The following ZMAT3 variants were observed in gnomAD, a reference collection of about 807,000 sequenced individuals.
The protein encoded by ZMAT3 is zinc finger matrin-type 3.
A neutral mutation model predicts 32.3 loss-of-function variants in ZMAT3; 17 were observed. The observed-to-expected ratio is 0.53, with a 90% confidence interval of 0.36 to 0.79. ZMAT3 has a LOEUF of 0.79. Ranked by LOEUF, ZMAT3 falls within the 30% of genes least tolerant of loss-of-function variation. ZMAT3 has a pLI of 0.00. For missense variants in ZMAT3, 329 were observed against 359.7 expected, an observed-to-expected ratio of 0.91 and a Z score of 0.69; for synonymous variants, 120 against 133.1, an observed-to-expected ratio of 0.90 and a Z score of 0.68.
At chr3:179,028,978 G>A (rs942831362) in intron 3 of ZMAT3, among the ~76,000 whole-genome samples, 3 of 152,048 alleles carry the variant, frequency 2.0e-5, no homozygotes, top group Non-Finnish European at 2.9e-5. Flanking sequence ...TGGCCAACAT[G>A]ACAAAACCCT....
chr3:179,058,198 G>C (rs1255802783), intron 2 of ZMAT3, among the ~76,000 whole-genome samples: 1 of 152,152 alleles, frequency 6.6e-6, no homozygotes, highest in Non-Finnish European at 1.5e-5. Flanking sequence ...GACATGACGT[G>C]AACGGCATAC....
chr3:179,042,243 C>T (rs1719978839), intron 2 of ZMAT3, among the ~76,000 whole-genome samples: 1 of 152,180 alleles, frequency 6.6e-6, no homozygotes, highest in South Asian at 2.1e-4. Flanking sequence ...ATCATCCCGA[C>T]ACCAAAGCCT....
At chr3:179,052,541 T>C (rs1391459679) in intron 2 of ZMAT3, among the ~76,000 whole-genome samples, 3 of 152,204 alleles carry the variant, frequency 2.0e-5, no homozygotes, top group East Asian at 1.9e-4. Flanking sequence ...TTTTACACTA[T>C]TGTTAGGAAT....
At chr3:179,066,780 G>A (rs763474388) in intron 2 of ZMAT3, among the ~76,000 whole-genome samples, 2 of 152,174 alleles carry the variant, frequency 1.3e-5, no homozygotes, top group Non-Finnish European at 2.9e-5. Context: ...TTGTTCTTAG[G>A]TAATATTACC....
chr3:179,025,186 C>T lies in ZMAT3; in HGVS notation c.701G>A (p.Arg234His), dbSNP rs201175783. The change falls in exon 6 of 6, where the codon CGT becomes CAT. Residue 234 changes from arginine to histidine, a missense_variant. By Grantham distance (29) the Arg-to-His change is conservative. Coordinates refer to ENST00000311417, the MANE Select transcript of ZMAT3 (RefSeq NM_022470.4). ...FNPRSRQRIP[R>H]DLAMCVTPSG... ...TGGAGTAACACACATGGCCAGATCA[C>T]GTGGAATTCTCTGCCGAGAGCGGGG... 37 of 1,614,040 alleles carry T rather than the reference C, an allele frequency of 2.3e-5. No individual in the cohort carries two copies. The highest frequency in any genetic ancestry group is 3.0e-5 in the Non-Finnish European group (35 of 1,180,042).
chr3:179,050,307 C>A (rs1179133186), intron 2 of ZMAT3, among the ~76,000 whole-genome samples: 2 of 151,878 alleles, frequency 1.3e-5, no homozygotes, highest in Non-Finnish European at 2.9e-5. Context: ...ACAACAAATA[C>A]CACAGAAATA....
At chr3:179,069,830 C>G (rs757447249) in intron 1 of ZMAT3, among the ~76,000 whole-genome samples, 3 of 152,022 alleles carry the variant, frequency 2.0e-5, no homozygotes, top group Non-Finnish European at 2.9e-5. Flanking sequence ...AATTTTTAAG[C>G]AGAAGTGTAC....
At chr3:179,034,195 T>A (rs1719456053) in intron 2 of ZMAT3, among the ~76,000 whole-genome samples, 1 of 152,164 alleles carries the variant, frequency 6.6e-6, no homozygotes, top group South Asian at 2.1e-4. Context: ...AGAAATAAAC[T>A]AAGGACTAGC....
chr3:179,035,945 G>A (rs1420483671), intron 2 of ZMAT3, among the ~76,000 whole-genome samples: 1 of 152,168 alleles, frequency 6.6e-6, no homozygotes, highest in Admixed American at 6.5e-5. Flanking sequence ...AATAGCATGA[G>A]CAAAAGCCCA....
chr3:179,040,863 TA>T (rs1416697665), intron 2 of ZMAT3, among the ~76,000 whole-genome samples: 1 of 123,022 alleles, frequency 8.1e-6, no homozygotes, highest in Non-Finnish European at 1.7e-5. Flanking sequence ...AGGCTCAAAA[TA>T]AAGGGATGGA....
At position 179,024,987 on chromosome 3, in the gene ZMAT3, A is replaced by C. The variant is rs759489137; in HGVS notation, c.*30T>G. The C allele has an allele frequency of 1.7e-5, 27 of 1,609,818 alleles. No homozygotes were observed. Among genetic ancestry groups the C allele is most frequent in the Non-Finnish European group, 2.2e-5 (26 of 1,176,562 alleles). The stretch of plus-strand genomic sequence containing the variant: ...TGACAAAAGGCAAACAACAGGCAGG[A>C]AAAGCTGCTCTATCTTAATATGATA... On this transcript the variant is annotated 3_prime_UTR_variant, in exon 6 of 6. Transcript: ENST00000311417.
intron 2 of ZMAT3, among the ~76,000 whole-genome samples, chr3:179,053,286 T>C (rs1720667311): frequency 6.7e-6 from 1 of 148,368 alleles, no homozygotes; most frequent in Non-Finnish European, 1.5e-5. Flanking sequence ...TTTATATCTA[T>C]AGATATAGAT....
intron 3 of ZMAT3, among the ~76,000 whole-genome samples, chr3:179,029,928 C>T (rs1331866470): frequency 2.0e-5 from 3 of 152,276 alleles, no homozygotes; most frequent in Middle Eastern, 3.4e-3. Context: ...CTGACTGAAA[C>T]AACGTATGAA....
intron 2 of ZMAT3, among the ~76,000 whole-genome samples, chr3:179,052,733 A>G (rs539852608): frequency 6.6e-6 from 1 of 152,344 alleles, no homozygotes; most frequent in South Asian, 2.1e-4. Context: ...AACTGAAAAA[A>G]TATGCCCATC....
chr3:179,025,011 T>C lies in ZMAT3; in HGVS notation c.*6A>G. On this transcript the variant is annotated 3_prime_UTR_variant, in exon 6 of 6. Coordinates refer to ENST00000311417, the MANE Select transcript of ZMAT3 (RefSeq NM_022470.4). ...GAAAAGCTGCTCTATCTTAATATGA[T>C]AATCACTATACATATCCCAGATTCT... 1 of 1,613,424 alleles carries C rather than the reference T, an allele frequency of 6.2e-7. No individual in the cohort carries two copies. Among genetic ancestry groups the C allele is most frequent in the Non-Finnish European group, 8.5e-7 (1 of 1,179,382 alleles).
At chr3:179,035,527 C>G (rs1295386056) in intron 2 of ZMAT3, among the ~76,000 whole-genome samples, 3 of 152,198 alleles carry the variant, frequency 2.0e-5, no homozygotes, top group African/African-American at 4.8e-5. Context: ...CACACACACT[C>G]CATCATATTA....
Position 179,019,601 on chromosome 3 carries a change from G to A in ZMAT3, c.*5416C>T, listed in dbSNP as rs529618976. The A allele has an allele frequency of 1.3e-5, 2 of 152,164 alleles. No individual in the cohort carries two copies. The highest frequency in any genetic ancestry group is 2.1e-4 in the South Asian group (1 of 4,828). 9.4% of individuals were successfully genotyped at this position (152,164 alleles called of 1,614,324 possible). On this transcript the variant is annotated 3_prime_UTR_variant, in exon 6 of 6. Coordinates refer to ENST00000311417, the MANE Select transcript of ZMAT3 (RefSeq NM_022470.4). ...GAAAATTTTCTTGAGAAAATGTTGA[G>A]GAACATGTTAACATTTCTATAATAA...
At position 179,067,639 on chromosome 3, in the gene ZMAT3, A is replaced by T; in HGVS notation, c.114T>A (p.Pro38=). The T allele has an allele frequency of 6.2e-7, 1 of 1,614,082 alleles. No homozygotes were observed. Among genetic ancestry groups the T allele is most frequent in the Non-Finnish European group, 8.5e-7 (1 of 1,180,004 alleles). ...GAGGCAAGGAAGCCTCCTGCCCAAAAGGCTTCTGTGGTGGAAGCTGCAAGG... is the reference window on the plus strand; with the variant it reads ...GAGGCAAGGAAGCCTCCTGCCCAAATGGCTTCTGTGGTGGAAGCTGCAAGG... ...TGTLQLPPQK[P]FGQEASLPLA... Residue 38 remains proline, a synonymous_variant, in exon 2 of 6, where the codon CCT becomes CCA. Transcript: ENST00000311417.
intron 2 of ZMAT3, 77 bp downstream of exon 2, chr3:179,067,406 G>A: frequency 2.7e-6 from 4 of 1,488,090 alleles, no homozygotes; most frequent in Non-Finnish European, 3.7e-6. Flanking sequence ...AGTCATATCT[G>A]GAGAGACAAC....
Sources: gnomAD v4.1 joint callset for allele counts (sites outside exome capture counted in the v4.1 genomes callset) on GRCh38, gnomAD v4.1.1 for gene constraint, MANE v1.5 for transcripts, NCBI Gene and HGNC (gene_info 2026-07-23, HGNC 2026-07-21) for gene names.